Variants in PAK1 observed in about 807,000 individuals in gnomAD.
The protein encoded by PAK1 is serine/threonine-protein kinase PAK 1.
In PAK1, 29 loss-of-function variants were observed where a neutral mutation model predicts 67.4. That is an observed-to-expected ratio of 0.43 (90% CI 0.32 to 0.59). The LOEUF is 0.59. Ranked by LOEUF, PAK1 falls within the 20% of genes least tolerant of loss-of-function variation. PAK1 has a pLI of 0.07. For missense variants in PAK1, 337 were observed against 670.7 expected, an observed-to-expected ratio of 0.50 and a Z score of 5.50; for synonymous variants, 223 against 237.4, an observed-to-expected ratio of 0.94 and a Z score of 0.56.
intron 1 of PAK1, among the ~76,000 whole-genome samples, chr11:77,439,017 C>T (rs898248044): frequency 6.6e-6 from 1 of 152,126 alleles, no homozygotes; most frequent in African/African-American, 2.4e-5. Flanking sequence ...CCCAATGGTC[C>T]GATATACATC....
At chr11:77,354,990 C>T (rs1945806172) in intron 7 of PAK1, among the ~76,000 whole-genome samples, 1 of 152,156 alleles carries the variant, frequency 6.6e-6, no homozygotes, top group Non-Finnish European at 1.5e-5. Flanking sequence ...GAAGTTTCCA[C>T]TTGACAGCAA....
intron 1 of PAK1, among the ~76,000 whole-genome samples, chr11:77,466,131 C>CTGTTA (rs1957585061): frequency 6.6e-6 from 1 of 152,068 alleles, no homozygotes; most frequent in African/African-American, 2.4e-5. Flanking sequence ...GGACTACATC[C>CTGTTA]CAGTGTATCA....
chr11:77,524,712 A>G, the PAK1 span, among the ~76,000 whole-genome samples: 1 of 152,334 alleles, frequency 6.6e-6, no homozygotes, highest in East Asian at 1.9e-4. Flanking sequence ...GTGCTTGTTG[A>G]AAGAATGAAT....
chr11:77,348,681 A>G (rs1944790435), intron 9 of PAK1, among the ~76,000 whole-genome samples: 1 of 152,196 alleles, frequency 6.6e-6, no homozygotes, highest in South Asian at 2.1e-4. Flanking sequence ...TAATGTTCAC[A>G]TTCAATCATC....
the PAK1 span, among the ~76,000 whole-genome samples, chr11:77,489,775 C>T: frequency 5.9e-5 from 9 of 151,876 alleles, no homozygotes; most frequent in Admixed American, 2.6e-4. Context: ...GGCTGGAGTG[C>T]AGTGGCGTGA....
At chr11:77,376,391 G>C (rs905516618) in intron 4 of PAK1, among the ~76,000 whole-genome samples, 2 of 152,188 alleles carry the variant, frequency 1.3e-5, no homozygotes, top group African/African-American at 4.8e-5. Flanking sequence ...AGACCCAGTT[G>C]AGTTGTCAAT....
chr11:77,524,406 T>G, the PAK1 span, among the ~76,000 whole-genome samples: 1 of 152,234 alleles, frequency 6.6e-6, no homozygotes, highest in Non-Finnish European at 1.5e-5. Context: ...TTCATCCATC[T>G]CCTAGCATGC....
chr11:77,494,580 TA>T, the PAK1 span, among the ~76,000 whole-genome samples: 1 of 137,396 alleles, frequency 7.3e-6, no homozygotes, highest in Admixed American at 7.6e-5. Context: ...CCTGTTAGGA[TA>T]GCTACTATTA....
At chr11:77,479,425 T>C (rs1011531890), upstream of PAK1, among the ~76,000 whole-genome samples, 3 of 151,816 alleles carry the variant, frequency 2.0e-5, no homozygotes, top group Non-Finnish European at 4.4e-5. Context: ...TGCTGAGACA[T>C]AGAAAACTTA....
In PAK1 at chr11:77,392,354, C is replaced by T; in HGVS notation, c.167G>A (p.Arg56Gln). 1.9e-6 allele frequency: 3 copies of T among 1,594,726 alleles called. No homozygotes were observed. The highest frequency in any genetic ancestry group is 2.6e-6 in the Non-Finnish European group (3 of 1,167,944). The change falls in exon 2 of 15, where the codon CGA becomes CAA. Residue 56 changes from arginine (R) to glutamine (Q), a missense_variant. Physicochemically the swap from Arg to Gln is conservative, Grantham distance 43. Coordinates refer to ENST00000356341, the MANE Select transcript of PAK1 (RefSeq NM_002576.5). ...ACTTTTATCTCCAGGTAAAATGGAT[C>T]GGTAAAATCGGTCCTTCTTTTTCTT... is the stretch of plus-strand genomic sequence containing the variant. ...EEKKKKDRFYRSILPGDKTNK... is the reference protein window; with the variant it reads ...EEKKKKDRFYQSILPGDKTNK...
chr11:77,328,543 A>C (rs1396890467), intron 14 of PAK1, among the ~76,000 whole-genome samples: 1 of 152,202 alleles, frequency 6.6e-6, no homozygotes, highest in African/African-American at 2.4e-5. Flanking sequence ...CTACTGGGTA[A>C]ATAATGAAAT....
intron 10 of PAK1, among the ~76,000 whole-genome samples, chr11:77,342,676 A>C (rs188588914): frequency 2.3e-4 from 35 of 152,326 alleles, no homozygotes; most frequent in Middle Eastern, 6.8e-3. Flanking sequence ...AGTGTTGGGA[A>C]TGTCAAAGTT....
At chr11:77,496,363 T>C in the PAK1 span, among the ~76,000 whole-genome samples, 1 of 152,126 alleles carries the variant, frequency 6.6e-6, no homozygotes, top group African/African-American at 2.4e-5. Context: ...GGTGGCTCGA[T>C]CTTATAATCC....
At chr11:77,380,730 A>C (rs1164137553) in intron 2 of PAK1, among the ~76,000 whole-genome samples, 2 of 152,196 alleles carry the variant, frequency 1.3e-5, no homozygotes, top group Non-Finnish European at 2.9e-5. Context: ...CTGAATTCTA[A>C]GTGCAGAGGC....
chr11:77,440,590 A>T (rs1956311697), intron 1 of PAK1, among the ~76,000 whole-genome samples: 1 of 152,192 alleles, frequency 6.6e-6, no homozygotes, highest in Non-Finnish European at 1.5e-5. Context: ...ACCTCTGCTG[A>T]TTCTAAATAG....
chr11:77,396,658 A>G (rs1279038748), intron 1 of PAK1, among the ~76,000 whole-genome samples: 1 of 152,264 alleles, frequency 6.6e-6, no homozygotes, highest in African/African-American at 2.4e-5. Flanking sequence ...ACAGAACTTT[A>G]GATACCTGAA....
chr11:77,390,792 G>C (rs1951038222), intron 2 of PAK1, among the ~76,000 whole-genome samples: 1 of 151,184 alleles, frequency 6.6e-6, no homozygotes. Context: ...ATGAGCCCCT[G>C]TGCCTGGCCT....
intron 9 of PAK1, among the ~76,000 whole-genome samples, chr11:77,347,473 T>C (rs1944607881): frequency 6.6e-6 from 1 of 152,224 alleles, no homozygotes; most frequent in Non-Finnish European, 1.5e-5. Flanking sequence ...GAAGAAATAA[T>C]ATTACCTACC....
chr11:77,508,955 C>T, the PAK1 span, among the ~76,000 whole-genome samples: 3 of 144,854 alleles, frequency 2.1e-5, no homozygotes, highest in East Asian at 4.4e-4. Flanking sequence ...CCACCGCGCC[C>T]GGCCCAGGGA....
Sources: gnomAD v4.1 joint callset for allele counts (sites outside exome capture counted in the v4.1 genomes callset) on GRCh38, gnomAD v4.1.1 for gene constraint, MANE v1.5 for transcripts, NCBI Gene and HGNC (gene_info 2026-07-23, HGNC 2026-07-21) for gene names.